Variants in R3HDM1 observed in about 807,000 individuals in gnomAD.
The protein encoded by R3HDM1 is R3H domain containing 1.
R3HDM1 carries 46 observed loss-of-function variants against 141.1 expected under a neutral mutation model. The observed-to-expected ratio is 0.33, with a 90% CI of 0.26 to 0.42. The LOEUF is 0.42. R3HDM1 is among the 10% of genes least tolerant of loss of function. The probability of loss-of-function intolerance (pLI) is 1.00; values close to 1 mark genes in which losing one functional copy is unlikely to be tolerated. For synonymous variants in R3HDM1, 435 were observed against 472.9 expected, an observed-to-expected ratio of 0.92 and a Z score of 1.04; for missense variants, 1,184 against 1,368.3, an observed-to-expected ratio of 0.87 and a Z score of 2.12.
chr2:135,601,893 C>T (rs936508551), intron 1 of R3HDM1, among the ~76,000 whole-genome samples: 8 of 151,642 alleles, frequency 5.3e-5, no homozygotes, highest in Non-Finnish European at 1.2e-4. Flanking sequence ...AGCCCCTGGC[C>T]TCAAGTGATC....
Position 135,533,966 on chromosome 2 carries a change from T to A in R3HDM1, c.-250+2333T>A, listed in dbSNP as rs529350489. ...TTGTGCAATAAATATTAACTGTTAT[T>A]TTCATGCATATTTAGAGAATGGGTT... On this transcript the variant is annotated intron_variant, in intron 1 of 26. Transcript: ENST00000683871. The A allele has an allele frequency of 6.1e-6, 6 of 982,924 alleles. No homozygotes were observed. The East Asian group carries it at 5.7e-4, about 93-fold the overall frequency. The allele number at this position is 982,924 out of a possible 1,614,324, so 60.9% of individuals were successfully genotyped here.
chr2:135,712,135 T>C (rs1384589210), intron 23 of R3HDM1, among the ~76,000 whole-genome samples: 1 of 152,192 alleles, frequency 6.6e-6, no homozygotes, highest in Non-Finnish European at 1.5e-5. Context: ...ATTATGCTTT[T>C]CTATCTATAC....
At chr2:135,627,470 C>T (rs2062160390) in intron 7 of R3HDM1, among the ~76,000 whole-genome samples, 1 of 151,990 alleles carries the variant, frequency 6.6e-6, no homozygotes, top group African/African-American at 2.4e-5. Context: ...TCAGAGACTA[C>T]CCTATTAAAT....
At chr2:135,698,317 G>A (rs2073598507) in intron 21 of R3HDM1, among the ~76,000 whole-genome samples, 1 of 151,484 alleles carries the variant, frequency 6.6e-6, no homozygotes, top group African/African-American at 2.4e-5. Flanking sequence ...CCACCACCAC[G>A]CCCAGCTAAT....
intron 19 of R3HDM1, among the ~76,000 whole-genome samples, chr2:135,671,569 A>G (rs541805336): frequency 5.9e-5 from 9 of 151,718 alleles, no homozygotes; most frequent in African/African-American, 1.7e-4. Flanking sequence ...GGGTTTCACT[A>G]TGTTGGTCAG....
chr2:135,675,483 T>C lies in R3HDM1; in HGVS notation c.2304T>C (p.Tyr768=). Residue 768 remains tyrosine (Y), a synonymous_variant, in exon 20 of 27, where the codon TAT becomes TAC. Transcript: ENST00000683871. ...TCCCCTATACTTCAGTGCCAACATA[T>C]CAGGTATATTGTCTCTTTTATGTAC... is the stretch of plus-strand genomic sequence containing the variant. ...VVIPYTSVPT[Y]QVSLPQGSQG... 17 of 1,612,072 alleles carry C rather than the reference T, an allele frequency of 1.1e-5. No homozygotes were observed. The highest frequency in any genetic ancestry group is 1.4e-5 in the Non-Finnish European group (16 of 1,178,538).
chr2:135,645,228 C>T, intron 15 of R3HDM1, 151 bp from the exon 16 acceptor site: 1 of 634,302 alleles, frequency 1.6e-6, no homozygotes. Context: ...CAGGCATTTC[C>T]CAACCTAAGG....
intron 25 of R3HDM1, 74 bp downstream of exon 25, chr2:135,722,080 T>C: frequency 7.1e-7 from 1 of 1,417,912 alleles, no homozygotes; most frequent in Non-Finnish European, 9.9e-7. Flanking sequence ...GGGGCAACCC[T>C]GAGCCCACCT....
intron 7 of R3HDM1, among the ~76,000 whole-genome samples, chr2:135,626,181 T>TTGCGTGCGTGCG (rs1161583452): frequency 1.0e-4 from 14 of 135,822 alleles, no homozygotes; most frequent in South Asian, 2.8e-4. Flanking sequence ...AACTGCTTGC[T>TTGCGTGCGTGCG]TGCGTGCGTG....
At chr2:135,636,738 A>T (rs1434482852) in intron 11 of R3HDM1, among the ~76,000 whole-genome samples, 1 of 151,848 alleles carries the variant, frequency 6.6e-6, no homozygotes, top group East Asian at 1.9e-4. Context: ...TCTACTAAGC[A>T]TCTGTCCTGT....
intron 18 of R3HDM1, among the ~76,000 whole-genome samples, chr2:135,659,049 C>CTGTGTGTGTGTGTGTGTGTG (rs548436817): frequency 1.6e-5 from 2 of 126,496 alleles, no homozygotes; most frequent in East Asian, 4.5e-4. Context: ...CTACCTGAGT[C>CTGTGTGTGTGTGTGTGTGTG]TGTGTGTGTG....
At chr2:135,604,620 C>A (rs952680750) in intron 2 of R3HDM1, among the ~76,000 whole-genome samples, 186 bp from the exon 3 acceptor site, 1 of 152,160 alleles carries the variant, frequency 6.6e-6, no homozygotes, top group Non-Finnish European at 1.5e-5. Flanking sequence ...GCTCTTTTCT[C>A]ACTGTATTGT....
At chr2:135,658,627 A>G (rs939238680) in intron 18 of R3HDM1, among the ~76,000 whole-genome samples, 1 of 152,148 alleles carries the variant, frequency 6.6e-6, no homozygotes. Context: ...CACCTAATTT[A>G]TTTCATACAT....
chr2:135,555,296 CA>C (rs59569889), intron 1 of R3HDM1, among the ~76,000 whole-genome samples: 4,568 of 79,538 alleles, frequency 0.057, 178 homozygotes, highest in African/African-American at 0.15. Context: ...ACTCTTGTCT[CA>C]AAAAAAAAAA....
chr2:135,586,955 T>G, intron 1 of R3HDM1: 1 of 985,296 alleles, frequency 1.0e-6, no homozygotes, highest in South Asian at 4.7e-5. Flanking sequence ...TTTTGGAAAT[T>G]AAGAAGCTAA....
chr2:135,665,961 A>C (rs1160317432), intron 19 of R3HDM1, among the ~76,000 whole-genome samples: 2 of 152,162 alleles, frequency 1.3e-5, no homozygotes, highest in African/African-American at 4.8e-5. Flanking sequence ...TGGAAAGCAA[A>C]ATGATTCTGT....
intron 3 of R3HDM1, among the ~76,000 whole-genome samples, chr2:135,612,890 A>T (rs568042274): frequency 6.6e-6 from 1 of 152,370 alleles, no homozygotes; most frequent in South Asian, 2.1e-4. Context: ...GTTTACTTTA[A>T]TAAACAACTT....
chr2:135,706,177 T>C (rs2074885710), intron 21 of R3HDM1, among the ~76,000 whole-genome samples: 1 of 150,796 alleles, frequency 6.6e-6, no homozygotes, highest in Non-Finnish European at 1.5e-5. Flanking sequence ...TATCCTATAA[T>C]GTCTTTCATC....
intron 16 of R3HDM1, among the ~76,000 whole-genome samples, chr2:135,648,694 A>G (rs1289166278): frequency 6.6e-6 from 1 of 152,020 alleles, no homozygotes; most frequent in East Asian, 1.9e-4. Context: ...TAAACAGTAT[A>G]AATATGAGAA....
Sources: gnomAD v4.1 joint callset for allele counts (sites outside exome capture counted in the v4.1 genomes callset) on GRCh38, gnomAD v4.1.1 for gene constraint, MANE v1.5 for transcripts, NCBI Gene and HGNC (gene_info 2026-07-23, HGNC 2026-07-21) for gene names.